The following SUCLG2 variants were observed in gnomAD, a reference collection of about 807,000 sequenced individuals.
SUCLG2 encodes succinate-CoA ligase GDP-forming subunit beta.
SUCLG2 carries 42 observed loss-of-function variants against 47.9 expected under a neutral mutation model. The ratio of observed to expected loss-of-function variants is 0.88; its 90% CI spans 0.69 to 1.14. SUCLG2 has a LOEUF of 1.14. Among genes scored for constraint, SUCLG2 ranks in the 50% most tolerant of loss-of-function variants. The pLI, the probability that SUCLG2 is intolerant of heterozygous loss-of-function variation, is 0.00. For missense variants in SUCLG2, 571 were observed against 525.9 expected, an observed-to-expected ratio of 1.09 and a Z score of -0.84; for synonymous variants, 195 against 197.3, an observed-to-expected ratio of 0.99 and a Z score of 0.10.
At chr3:67,419,916 T>A (rs1703117120) in intron 9 of SUCLG2, among the ~76,000 whole-genome samples, 1 of 152,158 alleles carries the variant, frequency 6.6e-6, no homozygotes, top group Non-Finnish European at 1.5e-5. Flanking sequence ...TGTTTCTCTT[T>A]AAGATGTTTA....
intron 1 of SUCLG2, among the ~76,000 whole-genome samples, chr3:67,610,054 C>G (rs1039012394): frequency 1.3e-5 from 2 of 152,172 alleles, no homozygotes; most frequent in African/African-American, 4.8e-5. Context: ...ATGGCTCCCC[C>G]CTTCTCACCC....
At chr3:67,577,514 A>T (rs1707774501) in intron 2 of SUCLG2, among the ~76,000 whole-genome samples, 2 of 152,220 alleles carry the variant, frequency 1.3e-5, no homozygotes, top group African/African-American at 4.8e-5. Context: ...AGGAGAGCTG[A>T]TGTAAACATT....
chr3:67,613,390 A>C (rs1208329195), intron 1 of SUCLG2, among the ~76,000 whole-genome samples: 1 of 152,004 alleles, frequency 6.6e-6, no homozygotes, highest in South Asian at 2.1e-4. Flanking sequence ...CCAAATATGT[A>C]TTTTTTTTAT....
chr3:67,412,162 T>C (rs1702944350), intron 9 of SUCLG2, among the ~76,000 whole-genome samples: 1 of 152,222 alleles, frequency 6.6e-6, no homozygotes, highest in African/African-American at 2.4e-5. Flanking sequence ...GTTCAGCAAA[T>C]GTCAGTATAC....
intron 9 of SUCLG2, among the ~76,000 whole-genome samples, chr3:67,422,472 T>TAAAAAAAAAAAAAAAAAAAAAAAAAAA (rs1559520249): frequency 8.1e-5 from 1 of 12,324 alleles, no homozygotes; most frequent in African/African-American, 3.7e-4. Flanking sequence ...AGACTCCATC[T>TAAAAAAAAAAAAAAAAAAAAAAAAAAA]CAAAAAAAAA....
chr3:67,641,185 C>G (rs564563661), intron 1 of SUCLG2, among the ~76,000 whole-genome samples: 2 of 152,292 alleles, frequency 1.3e-5, no homozygotes, highest in African/African-American at 2.4e-5. Context: ...ATATTCTTCT[C>G]AATTGCAACT....
intron 1 of SUCLG2, among the ~76,000 whole-genome samples, chr3:67,631,756 C>A (rs139012348): frequency 1.3e-5 from 2 of 152,224 alleles, no homozygotes; most frequent in Non-Finnish European, 1.5e-5. Context: ...GTGTCTGCCA[C>A]GTCCCATGAG....
Position 67,445,727 on chromosome 3 carries a change from C to T in SUCLG2, c.1063-44876G>A, listed in dbSNP as rs376706816. 4.0e-3 allele frequency among the ~76,000 whole-genome samples: 178 copies of T among 44,064 alleles called. 59 individuals carry two copies. In the East Asian group the frequency reaches 0.11, roughly 27 times the overall value. 28.9% of individuals were successfully genotyped at this position (44,064 alleles called of 152,430 possible). A position where few individuals can be genotyped will look rare whatever the true frequency, so the allele number is the denominator to read the frequency against. On this transcript the variant is annotated intron_variant, in intron 9 of 10. Coordinates refer to ENST00000307227, the MANE Select transcript of SUCLG2 (RefSeq NM_003848.4). Reference sequence around the variant, plus strand: ...TTGAGAGAATGAGAGACATATTCTGCTCAGTGTAAAAGTGGTTATTAAAGT... The same window carrying T: ...TTGAGAGAATGAGAGACATATTCTGTTCAGTGTAAAAGTGGTTATTAAAGT...
At chr3:67,394,184 C>A (rs1186525131) in intron 10 of SUCLG2, among the ~76,000 whole-genome samples, 1 of 152,098 alleles carries the variant, frequency 6.6e-6, no homozygotes, top group Non-Finnish European at 1.5e-5. Flanking sequence ...ATGACTTTGA[C>A]GAGTTGAGAG....
At chr3:67,389,098 G>C (rs548299128) in intron 10 of SUCLG2, among the ~76,000 whole-genome samples, 1 of 152,154 alleles carries the variant, frequency 6.6e-6, no homozygotes, top group East Asian at 1.9e-4. Context: ...AGTAGGTACC[G>C]AGTCAATGAC....
chr3:67,496,981 C>T (rs1031612889), intron 8 of SUCLG2, among the ~76,000 whole-genome samples: 3 of 152,104 alleles, frequency 2.0e-5, no homozygotes, highest in Non-Finnish European at 2.9e-5. Context: ...GATTTTGAGG[C>T]TGCTATGTGG....
chr3:67,395,170 C>A (rs1018163578), intron 10 of SUCLG2, among the ~76,000 whole-genome samples: 1 of 151,382 alleles, frequency 6.6e-6, no homozygotes, highest in African/African-American at 2.4e-5. Context: ...TCACACATAA[C>A]AATATTAACT....
At chr3:67,554,931 T>C (rs1247932541) in intron 2 of SUCLG2, among the ~76,000 whole-genome samples, 1 of 152,164 alleles carries the variant, frequency 6.6e-6, no homozygotes, top group African/African-American at 2.4e-5. Context: ...GTGAAGATAC[T>C]GGCAGCATGC....
intron 1 of SUCLG2, among the ~76,000 whole-genome samples, chr3:67,648,207 G>T (rs1408506933): frequency 6.6e-6 from 1 of 152,204 alleles, no homozygotes; most frequent in Non-Finnish European, 1.5e-5. Context: ...GAACATGGGA[G>T]ATCCCATAAG....
At chr3:67,519,684 G>T (rs1404373092) in intron 5 of SUCLG2, among the ~76,000 whole-genome samples, 1 of 152,156 alleles carries the variant, frequency 6.6e-6, no homozygotes, top group African/African-American at 2.4e-5. Flanking sequence ...AAGAAATAAT[G>T]AATGTTTCTG....
In SUCLG2 at chr3:67,361,167, G is replaced by GA. The variant is rs112542838; in HGVS notation, c.1184-400dup. Among the ~76,000 whole-genome samples, 1,172 of 144,458 alleles carry GA rather than the reference G, an allele frequency of 8.1e-3. 5 individuals are homozygous for GA. Among genetic ancestry groups the GA allele is most frequent in the Non-Finnish European group, 0.012 (806 of 65,470 alleles). 94.8% of individuals were successfully genotyped at this position (144,458 alleles called of 152,430 possible). A position where few individuals can be genotyped will look rare whatever the true frequency, so the allele number is the denominator to read the frequency against. ...ATCTTAGGCTTGTTCTGAGATGCCG[G>GA]AAAAAAAAAAAAATCACTCAAGAGT... On this transcript the variant is annotated intron_variant, in intron 10 of 10. Coordinates refer to the SUCLG2 transcript ENST00000493112.
At chr3:67,437,129 T>TA (rs201371174) in intron 9 of SUCLG2, among the ~76,000 whole-genome samples, 2,196 of 151,946 alleles carry the variant, frequency 0.014, 56 homozygotes, top group African/African-American at 0.051. Flanking sequence ...CAGGTGTGGT[T>TA]AAAAAAAATA....
chr3:67,523,024 G>A (rs1008023973), intron 4 of SUCLG2, among the ~76,000 whole-genome samples: 4 of 151,974 alleles, frequency 2.6e-5, no homozygotes, highest in African/African-American at 9.7e-5. Flanking sequence ...TCCTGACCTC[G>A]TGATTCGCCC....
intron 4 of SUCLG2, among the ~76,000 whole-genome samples, chr3:67,522,301 T>TC (rs1410529414): frequency 6.6e-6 from 1 of 152,000 alleles, no homozygotes; most frequent in African/African-American, 2.4e-5. Context: ...CGCCTAAGAT[T>TC]CCCAAAGTGT....
Sources: allele counts gnomAD v4.1 joint callset (sites outside exome capture counted in the v4.1 genomes callset), GRCh38; gene constraint gnomAD v4.1.1; transcripts MANE v1.5; gene names NCBI Gene and HGNC (gene_info 2026-07-23, HGNC 2026-07-21).